ST18: variants seen among roughly 807,000 people sequenced by gnomAD.
ST18 encodes suppression of tumorigenicity 18 protein.
In ST18, 50 loss-of-function variants were observed where a neutral mutation model predicts 110.0. The ratio of observed to expected loss-of-function variants is 0.45; its 90% CI spans 0.36 to 0.58. The LOEUF (loss-of-function observed/expected upper bound fraction) is 0.58. Ranked by LOEUF, ST18 falls within the 20% of genes least tolerant of loss-of-function variation. The pLI, the probability that ST18 is intolerant of heterozygous loss-of-function variation, is 0.00. For missense variants in ST18, 1,306 were observed against 1,280.1 expected, an observed-to-expected ratio of 1.02 and a Z score of -0.31; for synonymous variants, 461 against 452.4, an observed-to-expected ratio of 1.02 and a Z score of -0.24.
In ST18 at chr8:52,126,114, T is replaced by A; in HGVS notation, c.2693A>T (p.Gln898Leu). Reference protein sequence around the residue: ...RSLSGCPLNAQVIKKGKVSEE... With the variant: ...RSLSGCPLNALVIKKGKVSEE... ...AGAAACCTTGCCCTTTTTGATAACT[T>A]GTGCATTGAGAGGACATCCAGATAA... The change falls in exon 23 of 26, where the codon CAA becomes CTA. Residue 898 changes from glutamine (Q) to leucine (L), a missense_variant. Coordinates refer to ENST00000689386, the MANE Select transcript of ST18 (RefSeq NM_001352837.2). 6.2e-7 allele frequency: 1 copy of A among 1,614,126 alleles called. No homozygotes were observed. The highest frequency in any genetic ancestry group is 1.1e-5 in the South Asian group (1 of 91,080).
At chr8:52,231,131 G>A (rs1022294113) in intron 2 of ST18, among the ~76,000 whole-genome samples, 1 of 152,146 alleles carries the variant, frequency 6.6e-6, no homozygotes, top group African/African-American at 2.4e-5. Flanking sequence ...ATCATTGTGG[G>A]AAATTATATA....
At chr8:52,381,739 T>C (rs1298982986) in intron 2 of ST18, among the ~76,000 whole-genome samples, 1 of 152,120 alleles carries the variant, frequency 6.6e-6, no homozygotes, top group Non-Finnish European at 1.5e-5. Context: ...GTGTTATTAG[T>C]ATGTGTTCTT....
chr8:52,114,553 T>TG (rs139804900), intron 25 of ST18, among the ~76,000 whole-genome samples: 3,549 of 152,310 alleles, frequency 0.023, 131 homozygotes, highest in African/African-American at 0.082. Flanking sequence ...TGAAGCTATT[T>TG]GTTGTGCTCT....
At chr8:52,290,964 C>G (rs1452966607) in intron 2 of ST18, among the ~76,000 whole-genome samples, 2 of 152,152 alleles carry the variant, frequency 1.3e-5, no homozygotes, top group Non-Finnish European at 2.9e-5. Flanking sequence ...TGGTGTCTGT[C>G]CATCACCAGC....
chr8:52,332,471 T>C (rs1809971455), intron 2 of ST18, among the ~76,000 whole-genome samples: 1 of 151,842 alleles, frequency 6.6e-6, no homozygotes, highest in South Asian at 2.1e-4. Flanking sequence ...TTCATTCTTA[T>C]TGCTATAGAA....
chr8:52,270,906 G>A (rs1377333989), intron 2 of ST18, among the ~76,000 whole-genome samples: 2 of 149,602 alleles, frequency 1.3e-5, no homozygotes, highest in African/African-American at 5.1e-5. Context: ...GTGGTTATAA[G>A]TTTTGTTTTT....
intron 16 of ST18, among the ~76,000 whole-genome samples, chr8:52,148,489 G>C (rs764268193): frequency 2.0e-5 from 3 of 152,090 alleles, no homozygotes; most frequent in Non-Finnish European, 4.4e-5. Context: ...GTGTGCCTGT[G>C]CGTGCTACTC....
Position 52,126,221 on chromosome 8 carries a change from T to G in ST18, c.2667-81A>C, listed in dbSNP as rs1361158788. ...TTAAAATGTTTTATTCACAACCTAC[T>G]ATTTGTGTTTTTGCTGCCGATTAAT... On this transcript the variant is annotated intron_variant, in intron 22 of 25. Coordinates refer to ENST00000689386, the MANE Select transcript of ST18 (RefSeq NM_001352837.2). 4 of 1,392,228 alleles carry G rather than the reference T, an allele frequency of 2.9e-6. No individual in the cohort carries two copies. The African/African-American group carries it at 4.4e-5, about 15-fold the overall frequency. The allele number at this position is 1,392,228 out of a possible 1,614,324, so 86.2% of individuals were successfully genotyped here.
In ST18 at chr8:52,357,177, C is replaced by T. The variant is rs545481403; in HGVS notation, c.-465+52151G>A. On this transcript the variant is annotated intron_variant, in intron 2 of 25. Coordinates refer to ENST00000689386, the MANE Select transcript of ST18 (RefSeq NM_001352837.2). ...GTGAAATGATCACATCACGGAGTAT[C>T]GAGCTTCCATCCCCTCAAGCATTTA... Among the ~76,000 whole-genome samples, 15 of 152,152 alleles carry T rather than the reference C, an allele frequency of 9.9e-5. No homozygotes were observed. In the East Asian group the frequency reaches 2.1e-3, roughly 22 times the overall value.
At chr8:52,339,700 G>T (rs1235406961) in intron 2 of ST18, among the ~76,000 whole-genome samples, 1 of 152,226 alleles carries the variant, frequency 6.6e-6, no homozygotes, top group African/African-American at 2.4e-5. Context: ...CTGGGCTTGG[G>T]GCCAGCCCAA....
At chr8:52,135,150 C>T (rs1307365819) in intron 19 of ST18, among the ~76,000 whole-genome samples, 2 of 152,174 alleles carry the variant, frequency 1.3e-5, no homozygotes, top group African/African-American at 4.8e-5. Context: ...GTACATCTCA[C>T]TTTTCACTCT....
chr8:52,254,571 A>G (rs2138479719), intron 2 of ST18, among the ~76,000 whole-genome samples: 1 of 152,288 alleles, frequency 6.6e-6, no homozygotes, highest in East Asian at 1.9e-4. Flanking sequence ...TATATCAGTC[A>G]TCATGCAAAT....
intron 2 of ST18, among the ~76,000 whole-genome samples, chr8:52,383,884 A>T (rs754120603): frequency 5.9e-5 from 9 of 152,184 alleles, no homozygotes; most frequent in Non-Finnish European, 8.8e-5. Flanking sequence ...AGTAGCTGGG[A>T]CTATGAGCCT....
rs1563702554 is a variant in ST18, at chr8:52,149,983, A to G, written c.1807-6T>C. On this transcript the variant is annotated splice_polypyrimidine_tract_variant and splice_region_variant and intron_variant, in intron 15 of 25. Coordinates refer to ENST00000689386, the MANE Select transcript of ST18 (RefSeq NM_001352837.2). ...TCCACTTCTATTTCGGCTCCCTGGT[A>G]TACAATAGGAAACAGAAAAACATTT... The G allele has an allele frequency of 6.2e-7, 1 of 1,610,706 alleles. No individual in the cohort carries two copies. Among genetic ancestry groups the G allele is most frequent in the Non-Finnish European group, 8.5e-7 (1 of 1,178,264 alleles).
intron 16 of ST18, among the ~76,000 whole-genome samples, chr8:52,146,699 C>A (rs1029883875): frequency 6.6e-6 from 1 of 152,144 alleles, no homozygotes; most frequent in Admixed American, 6.5e-5. Context: ...TTAATACAAT[C>A]TAATTTTTCA....
Position 52,161,426 on chromosome 8 carries a change from G to T in ST18, c.1543C>A (p.Arg515Ser), listed in dbSNP as rs2303460. The change falls in exon 14 of 26, where the codon CGC becomes AGC. Residue 515 changes from arginine (R) to serine (S), a missense_variant. Physicochemically the swap from Arg to Ser is moderately radical, Grantham distance 110 (BLOSUM62 -1). Transcript: ENST00000689386. ...CCTTGCACTGTTTGTATGAGAGGGC[G>T]TTTACCGAAAACTTGGGCATCAAAA... Reference protein sequence around the residue: ...ASFDAQVFGKRPLIQTVQGRK... With the variant: ...ASFDAQVFGKSPLIQTVQGRK... The T allele has an allele frequency of 9.9e-6, 16 of 1,614,034 alleles. No individual in the cohort carries two copies. In the South Asian group the frequency reaches 1.8e-4, roughly 18 times the overall value.
chr8:52,377,677 A>G (rs1189862762), intron 2 of ST18, among the ~76,000 whole-genome samples: 1 of 152,200 alleles, frequency 6.6e-6, no homozygotes, highest in Non-Finnish European at 1.5e-5. Flanking sequence ...TACAACCACT[A>G]TGGAGAACAG....
At chr8:52,357,010 C>A (rs1014171085) in intron 2 of ST18, among the ~76,000 whole-genome samples, 3 of 151,938 alleles carry the variant, frequency 2.0e-5, no homozygotes, top group African/African-American at 7.3e-5. Context: ...TACAACAAAC[C>A]CCCATGACAC....
chr8:52,153,609 A>G (rs2059328106), intron 15 of ST18, among the ~76,000 whole-genome samples: 1 of 152,236 alleles, frequency 6.6e-6, no homozygotes, highest in Non-Finnish European at 1.5e-5. Flanking sequence ...TGATCAGAGG[A>G]GAAATAACTA....
Sources: gnomAD v4.1 joint callset for allele counts (sites outside exome capture counted in the v4.1 genomes callset) on GRCh38, gnomAD v4.1.1 for gene constraint, MANE v1.5 for transcripts, NCBI Gene and HGNC (gene_info 2026-07-23, HGNC 2026-07-21) for gene names.